The following DCC variants were observed in gnomAD, a reference collection of about 807,000 sequenced individuals.
The protein encoded by DCC is DCC netrin 1 receptor.
Under a neutral mutation model 172.5 loss-of-function variants are expected in DCC, and 58 were observed. The observed-to-expected ratio is 0.34, with a 90% CI of 0.27 to 0.42. The LOEUF (loss-of-function observed/expected upper bound fraction) is 0.42, where lower values mean the gene tolerates loss of function less well. DCC is among the 10% of genes least tolerant of loss of function. The pLI is 1.00. For synonymous variants in DCC, 709 were observed against 644.5 expected, an observed-to-expected ratio of 1.10 and a Z score of -1.52; for missense variants, 1,740 against 1,791.0, an observed-to-expected ratio of 0.97 and a Z score of 0.51.
At chr18:52,803,890 A>C (rs1026277315) in intron 2 of DCC, among the ~76,000 whole-genome samples, 3 of 152,148 alleles carry the variant, frequency 2.0e-5, no homozygotes, top group African/African-American at 7.3e-5. Flanking sequence ...CAACACGATG[A>C]AATAGATATT....
intron 12 of DCC, among the ~76,000 whole-genome samples, chr18:53,285,297 TG>T (rs2056922669): frequency 6.6e-6 from 1 of 152,170 alleles, no homozygotes; most frequent in African/African-American, 2.4e-5. Context: ...TTTTGTGGGC[TG>T]GGCTCAGGGT....
chr18:53,475,563 G>GT (rs2045752235), intron 25 of DCC, among the ~76,000 whole-genome samples: 1 of 152,226 alleles, frequency 6.6e-6, no homozygotes, highest in African/African-American at 2.4e-5. Flanking sequence ...CTTCCTTGTG[G>GT]TGTTGAGCCT....
chr18:52,927,335 A>G (rs2040234657), intron 5 of DCC, among the ~76,000 whole-genome samples: 1 of 151,388 alleles, frequency 6.6e-6, no homozygotes, highest in Non-Finnish European at 1.5e-5. Context: ...TGAATTGTGT[A>G]AATTACAAAA....
intron 27 of DCC, among the ~76,000 whole-genome samples, chr18:53,506,190 A>ATGTT (rs1384517101): frequency 2.0e-5 from 3 of 152,096 alleles, no homozygotes; most frequent in African/African-American, 2.4e-5. Context: ...GGACACTCGA[A>ATGTT]TGTTGGTTGA....
chr18:53,036,241 T>C (rs1202907921), intron 5 of DCC, among the ~76,000 whole-genome samples: 1 of 152,094 alleles, frequency 6.6e-6, no homozygotes, highest in Non-Finnish European at 1.5e-5. Context: ...ATTTATGGTA[T>C]AGTCAGTTCT....
chr18:52,876,253 A>G (rs1382830439), intron 2 of DCC, among the ~76,000 whole-genome samples: 9 of 152,200 alleles, frequency 5.9e-5, no homozygotes, highest in Non-Finnish European at 1.0e-4. Context: ...TAGAGAATCT[A>G]TTGTTTACTG....
intron 1 of DCC, among the ~76,000 whole-genome samples, chr18:52,370,896 T>C (rs990888386): frequency 2.6e-5 from 4 of 152,206 alleles, no homozygotes; most frequent in African/African-American, 7.2e-5. Context: ...TTGTATTTTT[T>C]TGAAATTTTT....
intron 2 of DCC, among the ~76,000 whole-genome samples, chr18:52,756,372 T>A (rs576701190): frequency 1.3e-5 from 2 of 152,178 alleles, no homozygotes; most frequent in Non-Finnish European, 2.9e-5. Flanking sequence ...TTATGCCATA[T>A]AAAGAGAGCT....
At chr18:52,949,179 T>C (rs1442656643) in intron 5 of DCC, among the ~76,000 whole-genome samples, 10 of 152,210 alleles carry the variant, frequency 6.6e-5, no homozygotes. Flanking sequence ...ACAGGGAAGC[T>C]TGAACTGCAA....
At chr18:53,059,721 A>G (rs2042467356) in intron 5 of DCC, among the ~76,000 whole-genome samples, 2 of 152,108 alleles carry the variant, frequency 1.3e-5, no homozygotes, top group Non-Finnish European at 2.9e-5. Flanking sequence ...ACAAGAAAAT[A>G]ATATTATTTT....
intron 5 of DCC, among the ~76,000 whole-genome samples, chr18:53,047,235 GATATATATATATATATATATATATAT>G (rs70944616): frequency 0.12 from 3,574 of 30,098 alleles, 185 homozygotes; most frequent in Middle Eastern, 0.16. Flanking sequence ...CTGCAGGTAG[GATATATATATATATATATATATATAT>G]ATATATATAT....
chr18:52,727,896 T>A (rs2036576449), intron 1 of DCC, among the ~76,000 whole-genome samples: 1 of 152,222 alleles, frequency 6.6e-6, no homozygotes. Flanking sequence ...TCATAATCCA[T>A]GGTCCATCAG....
intron 7 of DCC, among the ~76,000 whole-genome samples, chr18:53,096,713 A>G (rs1247484657): frequency 6.6e-6 from 1 of 152,104 alleles, no homozygotes. Context: ...ACCGCTAGGG[A>G]GAGAGAAGCA....
chr18:53,203,378 T>G (rs1285058986), intron 9 of DCC, among the ~76,000 whole-genome samples: 2 of 152,064 alleles, frequency 1.3e-5, no homozygotes, highest in Non-Finnish European at 2.9e-5. Context: ...TGGTTTTAAA[T>G]TATTTAATAC....
chr18:53,267,521 C>G (rs2056694853), intron 12 of DCC, among the ~76,000 whole-genome samples: 1 of 151,776 alleles, frequency 6.6e-6, no homozygotes, highest in Admixed American at 6.6e-5. Context: ...TCTCTGTCAC[C>G]CAGGGTAGAA....
chr18:52,781,870 GT>G (rs547253621), intron 2 of DCC, among the ~76,000 whole-genome samples: 1 of 151,672 alleles, frequency 6.6e-6, no homozygotes, highest in East Asian at 1.9e-4. Context: ...ATATTACTTT[GT>G]TTTTTTTATA....
intron 5 of DCC, among the ~76,000 whole-genome samples, chr18:53,033,737 C>T (rs750485515): frequency 6.6e-6 from 1 of 152,024 alleles, no homozygotes; most frequent in Non-Finnish European, 1.5e-5. Flanking sequence ...ACTTTTTGAA[C>T]TCCCTTTCCT....
At chr18:52,456,513 A>G (rs993780664) in intron 1 of DCC, among the ~76,000 whole-genome samples, 3 of 152,200 alleles carry the variant, frequency 2.0e-5, no homozygotes, top group Non-Finnish European at 2.9e-5. Flanking sequence ...AGTTTATCAC[A>G]TATTAACATG....
intron 24 of DCC, among the ~76,000 whole-genome samples, chr18:53,462,899 C>T (rs1502234): frequency 0.017 from 2,655 of 152,318 alleles, 80 homozygotes; most frequent in African/African-American, 0.059. Flanking sequence ...TATATCCTTG[C>T]CAGACCCAAT....
Sources: gnomAD v4.1 joint callset for allele counts (sites outside exome capture counted in the v4.1 genomes callset) on GRCh38, gnomAD v4.1.1 for gene constraint, MANE v1.5 for transcripts, NCBI Gene and HGNC (gene_info 2026-07-23, HGNC 2026-07-21) for gene names.